PRKN: variants seen among roughly 807,000 people sequenced by gnomAD.
The protein encoded by PRKN is parkin RBR E3 ubiquitin protein ligase, also known as E3 ubiquitin-protein ligase parkin.
PRKN carries 56 observed loss-of-function variants against 59.5 expected under a neutral mutation model. The observed-to-expected ratio is 0.94, with a 90% CI of 0.76 to 1.18. The LOEUF is 1.18. Among genes scored for constraint, PRKN ranks in the 50% most tolerant of loss-of-function variants. The probability of loss-of-function intolerance (pLI) is 0.00; values close to 1 mark genes in which losing one functional copy is unlikely to be tolerated. For synonymous variants in PRKN, 250 were observed against 222.1 expected, an observed-to-expected ratio of 1.13 and a Z score of -1.12; for missense variants, 657 against 596.4, an observed-to-expected ratio of 1.10 and a Z score of -1.06.
At chr6:161,375,308 T>A (rs1371773205) in intron 10 of PRKN, among the ~76,000 whole-genome samples, 2 of 152,164 alleles carry the variant, frequency 1.3e-5, no homozygotes, top group Non-Finnish European at 2.9e-5. Flanking sequence ...GAAGGGTTTC[T>A]GCAGTGCAGG....
intron 3 of PRKN, among the ~76,000 whole-genome samples, chr6:162,253,598 A>G (rs1779525304): frequency 6.6e-6 from 1 of 152,156 alleles, no homozygotes; most frequent in Non-Finnish European, 1.5e-5. Flanking sequence ...CTCAATTTGA[A>G]GTATGTTTCC....
At chr6:161,947,230 T>C (rs1391032475) in intron 6 of PRKN, among the ~76,000 whole-genome samples, 1 of 152,166 alleles carries the variant, frequency 6.6e-6, no homozygotes, top group East Asian at 1.9e-4. Flanking sequence ...TTCAGAACAA[T>C]TTAGAATAAT....
chr6:162,617,330 C>G (rs966897729), intron 1 of PRKN, among the ~76,000 whole-genome samples: 2 of 152,170 alleles, frequency 1.3e-5, no homozygotes, highest in Non-Finnish European at 2.9e-5. Context: ...TTCCCAGGTT[C>G]AAGCTATTCT....
chr6:162,681,977 G>A (rs1005417007), intron 1 of PRKN, among the ~76,000 whole-genome samples: 27 of 151,856 alleles, frequency 1.8e-4, no homozygotes, highest in East Asian at 5.8e-4. Context: ...CTGGACACTC[G>A]CCACTGGTAA....
chr6:161,621,148 C>T, intron 7 of PRKN, among the ~76,000 whole-genome samples: 1 of 152,130 alleles, frequency 6.6e-6, no homozygotes, highest in East Asian at 1.9e-4. Context: ...TCATGTGCCA[C>T]TCTATTAGTC....
At chr6:161,412,757 CCTCACTCATTCCTTCA>C (rs1377497084) in intron 9 of PRKN, among the ~76,000 whole-genome samples, 21 of 149,910 alleles carry the variant, frequency 1.4e-4, no homozygotes, top group African/African-American at 4.5e-4. Flanking sequence ...CTCATTCCTT[CCTCACTCATTCCTTCA>C]CTCACTCATT....
chr6:161,443,308 T>G (rs975200889), intron 9 of PRKN, among the ~76,000 whole-genome samples: 1 of 122,062 alleles, frequency 8.2e-6, no homozygotes, highest in Non-Finnish European at 1.7e-5. Context: ...AGACTCCGTC[T>G]CAAAAAAAAA....
intron 1 of PRKN, among the ~76,000 whole-genome samples, chr6:162,534,882 A>G (rs1284826745): frequency 6.6e-6 from 1 of 152,076 alleles, no homozygotes; most frequent in Non-Finnish European, 1.5e-5. Context: ...GCAGGGCCCA[A>G]TTTCTAAACT....
chr6:162,677,877 T>C (rs1334701317), intron 1 of PRKN, among the ~76,000 whole-genome samples: 3 of 152,158 alleles, frequency 2.0e-5, no homozygotes, highest in African/African-American at 7.2e-5. Context: ...GACATATACA[T>C]ATACCCATAA....
chr6:162,054,247 T>G (rs913971177), intron 4 of PRKN, 73 bp from the exon 5 acceptor site: 3 of 928,662 alleles, frequency 3.2e-6, no homozygotes, highest in Non-Finnish European at 5.3e-6. Context: ...ATGTTTCCAC[T>G]TATGTTATAA....
intron 4 of PRKN, among the ~76,000 whole-genome samples, chr6:162,189,768 T>TATACTG (rs1784195498): frequency 6.6e-6 from 1 of 152,070 alleles, no homozygotes; most frequent in Admixed American, 6.6e-5. Flanking sequence ...CATATTGGTT[T>TATACTG]ATACTGACCT....
intron 2 of PRKN, among the ~76,000 whole-genome samples, chr6:162,371,078 G>A (rs1785738890): frequency 6.6e-6 from 1 of 152,186 alleles, no homozygotes; most frequent in East Asian, 1.9e-4. Context: ...GCCATCGTGG[G>A]AAGGTGAAGC....
chr6:162,610,671 A>G (rs887646993), intron 1 of PRKN, among the ~76,000 whole-genome samples: 1 of 152,202 alleles, frequency 6.6e-6, no homozygotes, highest in African/African-American at 2.4e-5. Flanking sequence ...TGTAACCAGT[A>G]ACAGCAAAAT....
chr6:161,569,391 T>C lies in PRKN; in HGVS notation c.897A>G (p.Lys299=), dbSNP rs1562531544. Residue 299 remains lysine (K), a synonymous_variant, in exon 8 of 12, where the codon AAA becomes AAG. Coordinates refer to ENST00000366898, the MANE Select transcript of PRKN (RefSeq NM_004562.3). The stretch of plus-strand genomic sequence containing the variant: ...CCAGAATCCTGAAGTGATGGAGCTC[T>C]TTAATCAAGGAGTTGGGACAGCCAG... ...CVAGCPNSLI[K]ELHHFRILGE... is the part of the protein sequence containing the mutation. 6.2e-7 allele frequency: 1 copy of C among 1,614,038 alleles called. No individual in the cohort carries two copies. Among genetic ancestry groups the C allele is most frequent in the African/African-American group, 1.3e-5 (1 of 75,062 alleles).
intron 10 of PRKN, among the ~76,000 whole-genome samples, chr6:161,375,818 C>T (rs536393259): frequency 6.4e-4 from 97 of 152,316 alleles, no homozygotes; most frequent in African/African-American, 2.2e-3. Context: ...AGGCCGAGCC[C>T]GAACGACGCG....
intron 6 of PRKN, among the ~76,000 whole-genome samples, chr6:161,892,636 G>A (rs1207414956): frequency 6.6e-6 from 1 of 152,138 alleles, no homozygotes; most frequent in Non-Finnish European, 1.5e-5. Context: ...CTACTCAAGA[G>A]GCTGAGGCAG....
chr6:162,230,794 C>T (rs1778388346), intron 3 of PRKN, among the ~76,000 whole-genome samples: 1 of 152,172 alleles, frequency 6.6e-6, no homozygotes, highest in Non-Finnish European at 1.5e-5. Flanking sequence ...CCAGGCAAAC[C>T]AAGTCACAGT....
intron 1 of PRKN, among the ~76,000 whole-genome samples, chr6:162,640,569 A>T (rs1266987935): frequency 6.6e-6 from 1 of 152,238 alleles, no homozygotes; most frequent in African/African-American, 2.4e-5. Context: ...AACAACAGCA[A>T]CATATCTAAA....
intron 4 of PRKN, among the ~76,000 whole-genome samples, chr6:162,115,982 G>A (rs912608975): frequency 5.3e-5 from 8 of 152,064 alleles, no homozygotes; most frequent in South Asian, 4.2e-4. Context: ...ATAAAAAGCC[G>A]CCTCACAATT....
Sources: gnomAD v4.1 joint callset for allele counts (sites outside exome capture counted in the v4.1 genomes callset) on GRCh38, gnomAD v4.1.1 for gene constraint, MANE v1.5 for transcripts, NCBI Gene and HGNC (gene_info 2026-07-23, HGNC 2026-07-21) for gene names.